The following DUXA variants were observed in gnomAD, a reference collection of about 807,000 sequenced individuals.
The protein encoded by DUXA is double homeobox A, also known as double homeobox protein A.
DUXA carries 25 observed loss-of-function variants against 27.5 expected under a neutral mutation model. That is an observed-to-expected ratio of 0.91 (90% confidence interval 0.66 to 1.27). DUXA has a LOEUF of 1.27. Ranked by LOEUF, DUXA falls within the 50% of genes most tolerant of loss-of-function variation. The pLI, the probability that DUXA is intolerant of heterozygous loss-of-function variation, is 0.00. For missense variants in DUXA, 247 were observed against 242.9 expected (o/e 1.02, Z -0.11); for synonymous variants, 90 against 80.5 (o/e 1.12, Z -0.63).
chr19:57,164,721 T>C (rs1013424416), intron 1 of DUXA, among the ~76,000 whole-genome samples: 1 of 152,360 alleles, frequency 6.6e-6, no homozygotes, highest in East Asian at 1.9e-4. Context: ...ATTCAAATAA[T>C]TACATACATC....
intron 4 of DUXA, among the ~76,000 whole-genome samples, chr19:57,157,590 C>T (rs778446470): frequency 3.3e-5 from 5 of 152,078 alleles, no homozygotes; most frequent in Non-Finnish European, 5.9e-5. Context: ...CTCAGCCTCC[C>T]AAAGTGCTGG....
chr19:57,158,586 A>C (rs2087004357), intron 3 of DUXA, 113 bp from the exon 4 acceptor site: 1 of 1,298,180 alleles, frequency 7.7e-7, no homozygotes, highest in Non-Finnish European at 1.1e-6. Flanking sequence ...TTTCGATCCC[A>C]CTGACTCCTC....
At chr19:57,155,646 A>AAGATGAT (rs150313411) in intron 4 of DUXA, among the ~76,000 whole-genome samples, 3 of 144,012 alleles carry the variant, frequency 2.1e-5, no homozygotes, top group African/African-American at 5.2e-5. Context: ...TGCCCAACCC[A>AAGATGAT]AGATAGATAG....
At chr19:57,164,117 C>A (rs374044417) in intron 1 of DUXA, among the ~76,000 whole-genome samples, 2 of 152,160 alleles carry the variant, frequency 1.3e-5, no homozygotes, top group East Asian at 1.9e-4. Context: ...CGAAAAAGGA[C>A]AATATCCCTA....
In DUXA at chr19:57,154,241, G is replaced by T; in HGVS notation, c.*171C>A. 1 of 568,676 alleles carries T rather than the reference G, an allele frequency of 1.8e-6. No homozygotes were observed. The highest frequency in any genetic ancestry group is 3.1e-6 in the Non-Finnish European group (1 of 321,448). The allele number at this position is 568,676 out of a possible 1,614,324, so 35.2% of individuals were successfully genotyped here. ...GAGCTCAAGCAATCTTCCTGCCTTG[G>T]CCTCCCAAAGTAGTGGGATTACAAG... On this transcript the variant is annotated 3_prime_UTR_variant, in exon 6 of 6. Coordinates refer to ENST00000554048, the MANE Select transcript of DUXA (RefSeq NM_001012729.2).
At chr19:57,161,572 G>A (rs1365642900) in intron 1 of DUXA, among the ~76,000 whole-genome samples, 5 of 150,964 alleles carry the variant, frequency 3.3e-5, no homozygotes, top group Middle Eastern at 6.8e-3. Context: ...GCAGTGAGCC[G>A]AGATTGCGCC....
At chr19:57,165,322 AAAATAT>A (rs1427296040) in intron 1 of DUXA, among the ~76,000 whole-genome samples, 20 of 89,106 alleles carry the variant, frequency 2.2e-4, no homozygotes, top group African/African-American at 7.2e-4. Context: ...AAAAAAAAAA[AAAATAT>A]ATATATATAT....
rs775396996 is a variant in DUXA at position 57,154,437 on chromosome 19, TGA to T, written c.588_589del (p.His197PhefsTer37). The T allele has an allele frequency of 1.2e-5, 19 of 1,613,598 alleles. No homozygotes were observed. The highest frequency in any genetic ancestry group is 2.7e-5 in the African/African-American group (2 of 74,894). On this transcript the variant is annotated frameshift_variant, in exon 6 of 6. Transcript: ENST00000554048. LOFTEE classifies it low-confidence loss of function (END_TRUNC). Reference sequence around the variant, plus strand: ...TCACCACGTTCTGGCTCCAGAGAAATGAGAGTCACTAGTGAAGTTGGTGCCAT... The same window carrying T: ...TCACCACGTTCTGGCTCCAGAGAAATGAGTCACTAGTGAAGTTGGTGCCAT...
chr19:57,158,698 A>C (rs1253548300), intron 3 of DUXA, among the ~76,000 whole-genome samples: 1 of 152,004 alleles, frequency 6.6e-6, no homozygotes, highest in African/African-American at 2.4e-5. Context: ...GAAAGTAGGC[A>C]AGAGGCCGGG....
At chr19:57,159,811 A>C (rs1261243485) in intron 2 of DUXA, among the ~76,000 whole-genome samples, 1 of 151,972 alleles carries the variant, frequency 6.6e-6, no homozygotes, top group Non-Finnish European at 1.5e-5. Context: ...AAAAAAAAAA[A>C]AAATTAGCCG....
intron 1 of DUXA, among the ~76,000 whole-genome samples, chr19:57,165,324 A>AAATATATATATATATATATATATATAT (rs1491567041): frequency 5.6e-5 from 5 of 89,260 alleles, no homozygotes; most frequent in Admixed American, 3.9e-4. Context: ...AAAAAAAAAA[A>AAATATATATATATATATATATATATAT]ATATATATAT....
rs1364356180 is a variant in DUXA at position 57,167,379 on chromosome 19, C to G, written c.25+40G>C. Reference sequence around the variant, plus strand: ...CTGGGTTTTTAGCCCTACTTTTTCCCCAAACCAACAAAAGCTCAGTCAAGC... The same window carrying G: ...CTGGGTTTTTAGCCCTACTTTTTCCGCAAACCAACAAAAGCTCAGTCAAGC... On this transcript the variant is annotated intron_variant, in intron 1 of 5. Coordinates refer to ENST00000554048, the MANE Select transcript of DUXA (RefSeq NM_001012729.2). 3 of 1,611,116 alleles carry G rather than the reference C, an allele frequency of 1.9e-6. No homozygotes were observed. The Admixed American group carries it at 5.1e-5, about 27-fold the overall frequency.
At position 57,158,463 on chromosome 19, in the gene DUXA, G is replaced by C. The variant is rs1387678284; in HGVS notation, c.303C>G (p.Ala101=). 6.2e-7 allele frequency: 1 copy of C among 1,613,056 alleles called. No homozygotes were observed. Among genetic ancestry groups the C allele is most frequent in the African/African-American group, 1.3e-5 (1 of 74,912 alleles). ...QPGVEFQSRE[A]RRCRTTYSAS... is the part of the protein sequence containing the mutation. ...CGCTGTAGGTGGTACGACACCGTCT[G>C]GCTTCTCTACCTAGGGAAGGCATGG... is the stretch of plus-strand genomic sequence containing the variant. The change falls in exon 4 of 6, where the codon GCC becomes GCG. Residue 101 remains alanine, a synonymous_variant. Transcript: ENST00000554048.
chr19:57,166,496 G>A (rs1201372031), intron 1 of DUXA, among the ~76,000 whole-genome samples: 1 of 152,130 alleles, frequency 6.6e-6, no homozygotes, highest in African/African-American at 2.4e-5. Flanking sequence ...TTTTAGTAGA[G>A]ACAGGGTTTC....
At chr19:57,165,309 GAAA>G (rs71186231) in intron 1 of DUXA, among the ~76,000 whole-genome samples, 10,404 of 116,084 alleles carry the variant, frequency 0.09, 615 homozygotes, top group South Asian at 0.19. Context: ...TCTGGAGTAG[GAAA>G]AAAAAAAAAA....
At chr19:57,154,700 A>G (rs376628673) in intron 5 of DUXA, among the ~76,000 whole-genome samples, 1 of 151,904 alleles carries the variant, frequency 6.6e-6, no homozygotes, top group Non-Finnish European at 1.5e-5. Context: ...AGTAGCTGGG[A>G]CTACAGGCGC....
chr19:57,154,540 A>C, intron 5 of DUXA, 58 bp from the exon 6 acceptor site: 13 of 1,339,168 alleles, frequency 9.7e-6, no homozygotes, highest in South Asian at 1.2e-5. Context: ...ATTCACAAAC[A>C]TGGACGTCAG....
rs1475476454 is a variant in DUXA, at chr19:57,158,387, C to T, written c.379G>A (p.Gly127Arg). The T allele has an allele frequency of 2.5e-6, 4 of 1,613,058 alleles. No homozygotes were observed. The highest frequency in any genetic ancestry group is 3.4e-6 in the Non-Finnish European group (4 of 1,180,004). The change falls in exon 4 of 6, where the codon GGG (glycine) becomes AGG (arginine). Residue 127 changes from glycine (G) to arginine (R), a missense_variant. Gly to Arg is a moderately radical substitution (Grantham distance 125). Transcript: ENST00000554048. The part of the protein sequence containing the change: ...IKAFMKNPYP[G>R]IDSREELAKE... The stretch of plus-strand genomic sequence containing the variant: ...GCAAGTTCTTCTCTGGAATCAATCC[C>T]AGGATATGGGTTTTTCATAAATGCC...
chr19:57,166,511 T>C (rs1299613022), intron 1 of DUXA, among the ~76,000 whole-genome samples: 1 of 152,178 alleles, frequency 6.6e-6, no homozygotes, highest in Non-Finnish European at 1.5e-5. Flanking sequence ...GGTTTCACCA[T>C]GTTAGCCAGG....
Sources: allele counts gnomAD v4.1 joint callset (sites outside exome capture counted in the v4.1 genomes callset), GRCh38; gene constraint gnomAD v4.1.1; transcripts MANE v1.5; gene names NCBI Gene and HGNC (gene_info 2026-07-23, HGNC 2026-07-21).